Variants in LRRK2 observed in about 807,000 individuals in gnomAD.
LRRK2 encodes the protein leucine-rich repeat serine/threonine-protein kinase 2.
LRRK2 carries 203 observed loss-of-function variants against 302.6 expected under a neutral mutation model. The ratio of observed to expected loss-of-function variants is 0.67; its 90% CI spans 0.60 to 0.75. The LOEUF (loss-of-function observed/expected upper bound fraction) is 0.75. Ranked by LOEUF, LRRK2 falls within the 30% of genes least tolerant of loss-of-function variation. The probability of loss-of-function intolerance (pLI) is 0.00; values close to 1 mark genes in which losing one functional copy is unlikely to be tolerated. For synonymous variants in LRRK2, 1,066 were observed against 1,031.9 expected (o/e 1.03, Z -0.63); for missense variants, 2,830 against 2,951.0 (o/e 0.96, Z 0.95).
intron 19 of LRRK2, among the ~76,000 whole-genome samples, chr12:40,284,869 C>G (rs1943857692): frequency 6.6e-6 from 1 of 152,126 alleles, no homozygotes; most frequent in African/African-American, 2.4e-5. Context: ...GTTTGCTTCT[C>G]TCATTTTTAT....
At chr12:40,289,360 T>TA (rs932181470) in intron 20 of LRRK2, among the ~76,000 whole-genome samples, 2 of 151,306 alleles carry the variant, frequency 1.3e-5, no homozygotes, top group African/African-American at 4.8e-5. Flanking sequence ...GGTGTTCTTT[T>TA]AAAAAAAATT....
intron 41 of LRRK2, among the ~76,000 whole-genome samples, chr12:40,344,917 A>G (rs1946149022): frequency 6.6e-6 from 1 of 152,068 alleles, no homozygotes; most frequent in African/African-American, 2.4e-5. Context: ...ATTTACATGC[A>G]TATATGTGGG....
chr12:40,280,651 A>ATAAAG (rs1211562510), intron 18 of LRRK2, among the ~76,000 whole-genome samples: 4 of 150,326 alleles, frequency 2.7e-5, no homozygotes, highest in Admixed American at 2.0e-4. Flanking sequence ...ATAAAATAAA[A>ATAAAG]TAAAATAAAA....
At chr12:40,325,471 CTCTT>C (rs374427566) in intron 38 of LRRK2, among the ~76,000 whole-genome samples, 15 of 152,230 alleles carry the variant, frequency 9.9e-5, no homozygotes, top group African/African-American at 3.6e-4. Flanking sequence ...GGATAACTAA[CTCTT>C]TCTTATCGAG....
At chr12:40,349,043 TCAAA>T (rs998847280) in intron 43 of LRRK2, among the ~76,000 whole-genome samples, 1 of 152,182 alleles carries the variant, frequency 6.6e-6, no homozygotes, top group African/African-American at 2.4e-5. Context: ...TGCAATTTCT[TCAAA>T]CATTTTAAAA....
rs558944972 is a variant in LRRK2 at position 40,249,807 on chromosome 12, T to C, written c.839-19T>C. On this transcript the variant is annotated intron_variant, in intron 7 of 50. Transcript: ENST00000298910. ...CTTCCATGGATGAGAATTCAGCTAA[T>C]GTTTCACTTAACTTTTAGGTAATTT... 1 of 1,612,984 alleles carries C rather than the reference T, an allele frequency of 6.2e-7. No homozygotes were observed. The highest frequency in any genetic ancestry group is 8.5e-7 in the Non-Finnish European group (1 of 1,179,198).
At chr12:40,259,443 C>G (rs1158727523) in intron 12 of LRRK2, 37 bp from the exon 13 acceptor site, 8 of 1,611,694 alleles carry the variant, frequency 5.0e-6, no homozygotes, top group Non-Finnish European at 5.1e-6. Flanking sequence ...TGAATCAGAT[C>G]AGTCTTTCAA....
intron 16 of LRRK2, among the ~76,000 whole-genome samples, chr12:40,277,562 T>A (rs1292748045): frequency 6.6e-6 from 1 of 152,198 alleles, no homozygotes. Flanking sequence ...TAATCCTGTT[T>A]AATATCTGGG....
rs1160775624 is a variant in LRRK2 at position 40,351,525 on chromosome 12, T to G, written c.6382-14T>G. 3 of 1,613,374 alleles carry G rather than the reference T, an allele frequency of 1.9e-6. No homozygotes were observed. Among genetic ancestry groups the G allele is most frequent in the South Asian group, 1.1e-5 (1 of 91,046 alleles). On this transcript the variant is annotated splice_polypyrimidine_tract_variant and intron_variant, in intron 43 of 50. Transcript: ENST00000298910. ...CTCGATAAGTACTGTTTTGTTATCT[T>G]TAAACTTTCTCAGGTCTTTGACATT...
At chr12:40,308,121 A>G (rs1207070993) in intron 28 of LRRK2, among the ~76,000 whole-genome samples, 3 of 152,068 alleles carry the variant, frequency 2.0e-5, no homozygotes, top group African/African-American at 7.2e-5. Context: ...AGACATTAGA[A>G]TATGTATACA....
rs570653509 is a variant in LRRK2, at chr12:40,336,132, G to A, written c.5948+975G>A. Among the ~76,000 whole-genome samples the A allele has an allele frequency of 3.3e-5, 5 of 152,126 alleles. No homozygotes were observed. The South Asian group carries it at 1.0e-3, about 32-fold the overall frequency. ...TTGTTCCTGTTATTACCCCTCCCCT[G>A]CCTTATTTCTTGGGTACAGTGCTCA... On this transcript the variant is annotated intron_variant, in intron 40 of 50. Transcript: ENST00000298910.
intron 2 of LRRK2, among the ~76,000 whole-genome samples, chr12:40,226,608 G>A (rs2136371188): frequency 6.6e-6 from 1 of 152,254 alleles, no homozygotes; most frequent in African/African-American, 2.4e-5. Flanking sequence ...TCTTTGATAT[G>A]AGGACATTTA....
rs1387376160 is a variant in LRRK2 at position 40,362,452 on chromosome 12, TC to T, written c.7029-949del. On this transcript the variant is annotated intron_variant, in intron 47 of 50. Coordinates refer to ENST00000298910, the MANE Select transcript of LRRK2 (RefSeq NM_198578.4). ...CCACTTAACAGACTGCTTGATTATA[TC>T]AGAGGTGCTTATCTGTGCAACTGTT... is the stretch of plus-strand genomic sequence containing the variant. 3.3e-5 allele frequency among the ~76,000 whole-genome samples: 5 copies of T among 152,196 alleles called. No homozygotes were observed. In the East Asian group the frequency reaches 9.7e-4, roughly 29 times the overall value.
chr12:40,237,317 A>G (rs905225051), intron 4 of LRRK2, among the ~76,000 whole-genome samples: 3 of 152,234 alleles, frequency 2.0e-5, no homozygotes, highest in African/African-American at 7.2e-5. Flanking sequence ...AATATAATGC[A>G]GGCAATAAAC....
intron 11 of LRRK2, among the ~76,000 whole-genome samples, chr12:40,256,577 T>A (rs1416541640): frequency 6.6e-6 from 1 of 152,262 alleles, no homozygotes; most frequent in Non-Finnish European, 1.5e-5. Flanking sequence ...TTGGCATTAC[T>A]TTGTGAAAAT....
chr12:40,329,043 A>C (rs1945633273), intron 39 of LRRK2, among the ~76,000 whole-genome samples: 1 of 151,514 alleles, frequency 6.6e-6, no homozygotes, highest in South Asian at 2.1e-4. Flanking sequence ...TTAATGCATG[A>C]TCTCACATTG....
At chr12:40,331,402 T>A (rs17520251) in intron 39 of LRRK2, among the ~76,000 whole-genome samples, 23,206 of 152,172 alleles carry the variant, frequency 0.15, 1,973 homozygotes, top group African/African-American at 0.22. Context: ...CTTTGCTCTC[T>A]AGATGCTGGA....
chr12:40,334,697 T>C (rs1945816389), intron 39 of LRRK2, among the ~76,000 whole-genome samples: 1 of 152,152 alleles, frequency 6.6e-6, no homozygotes, highest in Non-Finnish European at 1.5e-5. Flanking sequence ...GGTCTTGCTG[T>C]CTCAAGAGTG....
At chr12:40,251,628 A>G in intron 10 of LRRK2, 84 bp downstream of exon 10, 1 of 1,187,214 alleles carries the variant, frequency 8.4e-7, no homozygotes, top group South Asian at 1.4e-5. Flanking sequence ...CGTAACTTTT[A>G]TTGTTAGAAA....
Sources: gnomAD v4.1 joint callset for allele counts (sites outside exome capture counted in the v4.1 genomes callset) on GRCh38, gnomAD v4.1.1 for gene constraint, MANE v1.5 for transcripts, NCBI Gene and HGNC (gene_info 2026-07-23, HGNC 2026-07-21) for gene names.